Variants in GSTCD observed in about 807,000 individuals in gnomAD.
The protein encoded by GSTCD is glutathione S-transferase C-terminal domain-containing protein.
A neutral mutation model predicts 68.3 loss-of-function variants in GSTCD; 44 were observed. The observed-to-expected ratio is 0.64, with a 90% CI of 0.51 to 0.83. The LOEUF (loss-of-function observed/expected upper bound fraction) is 0.83. Ranked by LOEUF, GSTCD falls within the 40% of genes least tolerant of loss-of-function variation. GSTCD has a pLI of 0.00. For synonymous variants in GSTCD, 273 were observed against 255.2 expected (o/e 1.07, Z -0.67); for missense variants, 739 against 735.9 (o/e 1.00, Z -0.05).
intron 11 of GSTCD, among the ~76,000 whole-genome samples, chr4:105,842,655 T>A (rs1189231133): frequency 1.3e-5 from 2 of 152,188 alleles, no homozygotes; most frequent in Non-Finnish European, 1.5e-5. Context: ...ATTGAAGACA[T>A]CACTTTAGAA....
intron 5 of GSTCD, among the ~76,000 whole-genome samples, chr4:105,820,119 C>T (rs1217953680): frequency 6.6e-6 from 1 of 151,460 alleles, no homozygotes; most frequent in Non-Finnish European, 1.5e-5. Flanking sequence ...TACATGTACA[C>T]ATTTTCCAGT....
intron 5 of GSTCD, among the ~76,000 whole-genome samples, chr4:105,791,875 C>T (rs962760633): frequency 6.6e-6 from 1 of 151,938 alleles, no homozygotes; most frequent in Non-Finnish European, 1.5e-5. Flanking sequence ...CACTACTAGA[C>T]CAAAGGAAAT....
chr4:105,834,746 A>G, intron 9 of GSTCD, 152 bp downstream of exon 9: 1 of 653,438 alleles, frequency 1.5e-6, no homozygotes, highest in South Asian at 2.5e-5. Flanking sequence ...AAGGAAGAGA[A>G]GAACTCCTTT....
intron 5 of GSTCD, among the ~76,000 whole-genome samples, chr4:105,789,394 T>C (rs539694639): frequency 1.3e-5 from 2 of 152,124 alleles, no homozygotes; most frequent in African/African-American, 4.8e-5. Context: ...ACACAGTCAG[T>C]GTGTAGGCTG....
intron 5 of GSTCD, among the ~76,000 whole-genome samples, chr4:105,819,623 A>G (rs1723178820): frequency 6.6e-6 from 1 of 151,788 alleles, no homozygotes; most frequent in Non-Finnish European, 1.5e-5. Flanking sequence ...ATGACCATTC[A>G]TCAGCTTGTC....
At chr4:105,794,056 T>C (rs1420595694) in intron 5 of GSTCD, among the ~76,000 whole-genome samples, 4 of 152,132 alleles carry the variant, frequency 2.6e-5, no homozygotes, top group African/African-American at 9.7e-5. Context: ...TATTTGTTTT[T>C]AATACTCCGG....
intron 9 of GSTCD, among the ~76,000 whole-genome samples, chr4:105,837,606 G>A (rs1553967228): frequency 1.3e-5 from 2 of 152,180 alleles, no homozygotes; most frequent in South Asian, 4.1e-4. Context: ...TCCCATGAGG[G>A]ATAGAGACAA....
chr4:105,840,442 CAA>C, intron 10 of GSTCD: 1 of 226,254 alleles, frequency 4.4e-6, no homozygotes, highest in East Asian at 1.0e-4. Context: ...CAAGTTTAGA[CAA>C]AGATATCCCT....
At chr4:105,809,559 A>G (rs1722670332) in intron 5 of GSTCD, among the ~76,000 whole-genome samples, 1 of 151,874 alleles carries the variant, frequency 6.6e-6, no homozygotes, top group South Asian at 2.1e-4. Context: ...TTAACCCCTA[A>G]TATAGTATAT....
intron 5 of GSTCD, among the ~76,000 whole-genome samples, chr4:105,730,087 G>A (rs1337225147): frequency 1.3e-5 from 2 of 152,096 alleles, no homozygotes; most frequent in Admixed American, 6.6e-5. Context: ...CTTTTTTATG[G>A]CTGCATAGTA....
At chr4:105,813,254 C>T (rs983798177) in intron 5 of GSTCD, among the ~76,000 whole-genome samples, 1 of 152,076 alleles carries the variant, frequency 6.6e-6, no homozygotes, top group Non-Finnish European at 1.5e-5. Context: ...AGTGCTAATA[C>T]CAGCAAATAA....
chr4:105,845,658 C>A lies in GSTCD; in HGVS notation c.*81C>A. On this transcript the variant is annotated 3_prime_UTR_variant, in exon 12 of 12. Coordinates refer to ENST00000515279, the MANE Select transcript of GSTCD (RefSeq NM_001370181.1). ...GGCATTCAGGAGGTTCTTGGCATAA[C>A]TAGGAAACAGCATTAGCCATCTTGA... 6.9e-7 allele frequency: 1 copy of A among 1,453,450 alleles called. No individual in the cohort carries two copies. The allele number at this position is 1,453,450 out of a possible 1,614,324, so 90.0% of individuals were successfully genotyped here. A position where few individuals can be genotyped will look rare whatever the true frequency, so the allele number is the denominator to read the frequency against.
At chr4:105,761,477 A>G (rs1319786961) in intron 5 of GSTCD, 1 of 152,120 alleles carries the variant, frequency 6.6e-6, no homozygotes, top group African/African-American at 2.4e-5. Flanking sequence ...ATCTTACTTG[A>G]TAATTCTTGA....
rs1723946722 is a variant in GSTCD, at chr4:105,832,719, T to G, written c.1531-1742T>G. Among the ~76,000 whole-genome samples, 3 of 152,216 alleles carry G rather than the reference T, an allele frequency of 2.0e-5. 1 individual carries two copies. The South Asian group carries it at 6.2e-4, about 32-fold the overall frequency. On this transcript the variant is annotated intron_variant, in intron 8 of 11. Coordinates refer to ENST00000515279, the MANE Select transcript of GSTCD (RefSeq NM_001370181.1). ...TTCAGGGATGTTGTGAGCATAGTTC[T>G]GAGTGCCATCACCCAGCACAGCATA...
intron 5 of GSTCD, among the ~76,000 whole-genome samples, chr4:105,795,262 A>G (rs909165090): frequency 1.3e-5 from 2 of 152,054 alleles, no homozygotes; most frequent in African/African-American, 4.8e-5. Flanking sequence ...GTATCTTATA[A>G]AAGCTGTAGA....
At position 105,719,434 on chromosome 4, in the gene GSTCD, C is replaced by G. The variant is rs774926084; in HGVS notation, c.801C>G (p.Ala267=). The G allele has an allele frequency of 6.2e-7, 1 of 1,614,056 alleles. No individual in the cohort carries two copies. The highest frequency in any genetic ancestry group is 1.1e-5 in the South Asian group (1 of 91,080). ...CTTCTCACATCAGAAAAGCAAAAGC[C>G]TCCGACCTTCCACCTCTGGAGCATG... is the stretch of plus-strand genomic sequence containing the variant. The part of the protein sequence containing the change: ...REPSHIRKAK[A]SDLPPLEHVF... The change falls in exon 3 of 12, where the codon GCC becomes GCG. Residue 267 remains alanine, a synonymous_variant. Transcript: ENST00000515279.
intron 1 of GSTCD, 51 bp downstream of exon 1, chr4:105,709,067 G>C (rs1732420350): frequency 6.6e-6 from 1 of 152,578 alleles, no homozygotes; most frequent in Non-Finnish European, 1.5e-5. Flanking sequence ...GACCCCCTAA[G>C]AACTGGTCTT....
At chr4:105,811,548 G>A (rs1438903335) in intron 5 of GSTCD, among the ~76,000 whole-genome samples, 1 of 111,302 alleles carries the variant, frequency 9.0e-6, no homozygotes, top group Non-Finnish European at 1.8e-5. Flanking sequence ...GGGGGAGGGG[G>A]GAGGGATAGC....
intron 10 of GSTCD, among the ~76,000 whole-genome samples, chr4:105,839,412 G>A (rs1724248818): frequency 6.6e-6 from 1 of 152,224 alleles, no homozygotes; most frequent in African/African-American, 2.4e-5. Flanking sequence ...AAGGCAGGCA[G>A]ATCACTTGAG....
Sources: gnomAD v4.1 joint callset for allele counts (sites outside exome capture counted in the v4.1 genomes callset) on GRCh38, gnomAD v4.1.1 for gene constraint, MANE v1.5 for transcripts, NCBI Gene and HGNC (gene_info 2026-07-23, HGNC 2026-07-21) for gene names.